The following TAS2R1 variants were observed in gnomAD, a reference collection of about 807,000 sequenced individuals.
The protein encoded by TAS2R1 is taste receptor type 2 member 1.
For missense variants in TAS2R1, 370 were observed against 353.4 expected, an observed-to-expected ratio of 1.05 and a Z score of -0.38; for synonymous variants, 141 against 134.2, an observed-to-expected ratio of 1.05 and a Z score of -0.35.
the TAS2R1 span, among the ~76,000 whole-genome samples, chr5:9,836,293 A>G: frequency 2.0e-5 from 3 of 152,210 alleles, no homozygotes; most frequent in South Asian, 6.2e-4. Flanking sequence ...ATGGACTAAT[A>G]AAGTGTGTTA....
rs142998275 is a variant in TAS2R1, at chr5:9,651,828, C to T, written c.-81+7593G>A. ...CCCTCCATTCATTCCCATTCCACTT[C>T]AGTGCCAAGCATCTGAGATGGGAAA... On this transcript the variant is annotated intron_variant, in intron 2 of 2. Coordinates refer to the TAS2R1 transcript ENST00000506620. Among the ~76,000 whole-genome samples, 725 of 152,262 alleles carry T rather than the reference C, an allele frequency of 4.8e-3. 2 individuals are homozygous for T. Among genetic ancestry groups the T allele is most frequent in the African/African-American group, 0.017 (693 of 41,554 alleles).
intron 2 of TAS2R1, among the ~76,000 whole-genome samples, chr5:9,652,018 T>C (rs1740315940): frequency 6.6e-6 from 1 of 152,176 alleles, no homozygotes; most frequent in African/African-American, 2.4e-5. Context: ...AGAAGGAAAT[T>C]TAGAGGTCTG....
At chr5:9,753,683 C>T in the TAS2R1 span, among the ~76,000 whole-genome samples, 6 of 152,220 alleles carry the variant, frequency 3.9e-5, no homozygotes, top group South Asian at 1.2e-3. Context: ...GGTTTCAGGT[C>T]TAACATTTAA....
chr5:9,722,641 C>A, the TAS2R1 span, among the ~76,000 whole-genome samples: 2 of 152,160 alleles, frequency 1.3e-5, no homozygotes, highest in Admixed American at 6.5e-5. Context: ...TACTTGTATT[C>A]AGTAGCTATG....
chr5:9,715,824 T>G (rs2126536459), upstream of TAS2R1, among the ~76,000 whole-genome samples: 1 of 152,296 alleles, frequency 6.6e-6, no homozygotes, highest in Admixed American at 6.5e-5. Context: ...CGAATCTCCC[T>G]GAGATGCCTT....
chr5:9,649,768 A>G (rs959373288), intron 2 of TAS2R1, among the ~76,000 whole-genome samples: 1 of 152,230 alleles, frequency 6.6e-6, no homozygotes, highest in East Asian at 1.9e-4. Flanking sequence ...ACTTTTGTCA[A>G]TAGCTTCAAG....
At chr5:9,884,601 A>G in the TAS2R1 span, among the ~76,000 whole-genome samples, 164 of 152,324 alleles carry the variant, frequency 1.1e-3, no homozygotes, top group Non-Finnish European at 9.8e-4. Flanking sequence ...GCTACATTAT[A>G]AAACACAAGT....
At chr5:9,654,789 T>C (rs924647853) in intron 2 of TAS2R1, among the ~76,000 whole-genome samples, 1 of 152,172 alleles carries the variant, frequency 6.6e-6, no homozygotes, top group Non-Finnish European at 1.5e-5. Flanking sequence ...AATAAAAACT[T>C]CCATTCCTTA....
the TAS2R1 span, among the ~76,000 whole-genome samples, chr5:9,808,604 T>C: frequency 6.6e-6 from 1 of 152,154 alleles, no homozygotes; most frequent in Non-Finnish European, 1.5e-5. Context: ...ATCAGCCACC[T>C]CAACAGAAGC....
chr5:9,700,526 G>T (rs573468746), intron 1 of TAS2R1, among the ~76,000 whole-genome samples: 1 of 152,302 alleles, frequency 6.6e-6, no homozygotes, highest in East Asian at 1.9e-4. Context: ...AGAAAAGAGA[G>T]ATTAGGAAGG....
chr5:9,794,520 A>G, the TAS2R1 span, among the ~76,000 whole-genome samples: 2 of 152,220 alleles, frequency 1.3e-5, no homozygotes, highest in African/African-American at 4.8e-5. Context: ...ATAAGTGATC[A>G]TTCTTATTTT....
intron 1 of TAS2R1, among the ~76,000 whole-genome samples, chr5:9,673,796 G>C (rs1740817442): frequency 6.6e-6 from 1 of 152,070 alleles, no homozygotes; most frequent in Non-Finnish European, 1.5e-5. Flanking sequence ...AATTCTTCTT[G>C]CTGTCCCTTG....
rs981021602 is a variant in TAS2R1 at position 9,703,715 on chromosome 5, T to C, written c.-242+8457A>G. Reference sequence around the variant, plus strand: ...GTCTTGGGGAACCTTGGCATTCCTGTCACTCTCCATGTGAAGATTTGGAAG... The same window carrying C: ...GTCTTGGGGAACCTTGGCATTCCTGCCACTCTCCATGTGAAGATTTGGAAG... On this transcript the variant is annotated intron_variant, in intron 1 of 2. Transcript: ENST00000506620. 2.0e-5 allele frequency among the ~76,000 whole-genome samples: 3 copies of C among 152,226 alleles called. No individual in the cohort carries two copies. The South Asian group carries it at 6.2e-4, about 32-fold the overall frequency.
the TAS2R1 span, among the ~76,000 whole-genome samples, chr5:9,736,219 A>G: frequency 3.3e-5 from 5 of 152,318 alleles, no homozygotes; most frequent in African/African-American, 1.2e-4. Flanking sequence ...CCCATGGCAA[A>G]GTCAGAATTT....
chr5:9,892,027 T>A, the TAS2R1 span, among the ~76,000 whole-genome samples: 3 of 152,096 alleles, frequency 2.0e-5, no homozygotes, highest in Non-Finnish European at 4.4e-5. Flanking sequence ...TTCTTATATA[T>A]TTAAAGTTTC....
intron 1 of TAS2R1, among the ~76,000 whole-genome samples, chr5:9,683,382 TAC>T (rs1284916358): frequency 6.6e-6 from 1 of 152,220 alleles, no homozygotes; most frequent in Non-Finnish European, 1.5e-5. Context: ...ATTTCAAAAA[TAC>T]ACACAGTCAA....
chr5:9,807,715 T>C, the TAS2R1 span, among the ~76,000 whole-genome samples: 2 of 152,076 alleles, frequency 1.3e-5, no homozygotes, highest in Non-Finnish European at 2.9e-5. Flanking sequence ...AGCTAAGCTA[T>C]GAGGAAGCAA....
chr5:9,838,450 AC>A, the TAS2R1 span, among the ~76,000 whole-genome samples: 1 of 152,152 alleles, frequency 6.6e-6, no homozygotes, highest in Non-Finnish European at 1.5e-5. Flanking sequence ...GCCAGCCAAG[AC>A]AGCTCCTGAG....
the TAS2R1 span, among the ~76,000 whole-genome samples, chr5:9,868,968 A>G: frequency 6.6e-6 from 1 of 152,212 alleles, no homozygotes; most frequent in Non-Finnish European, 1.5e-5. Context: ...TTTATTGTCC[A>G]TATCACTATC....
Sources: allele counts gnomAD v4.1 joint callset (sites outside exome capture counted in the v4.1 genomes callset), GRCh38; gene constraint gnomAD v4.1.1; transcripts MANE v1.5; gene names NCBI Gene and HGNC (gene_info 2026-07-23, HGNC 2026-07-21).